The following CNTNAP5 variants were observed in gnomAD, a reference collection of about 807,000 sequenced individuals.
CNTNAP5 encodes contactin associated protein family member 5.
In CNTNAP5, 72 loss-of-function variants were observed where a neutral mutation model predicts 150.2. The ratio of observed to expected loss-of-function variants is 0.48; its 90% confidence interval spans 0.40 to 0.58. CNTNAP5 has a LOEUF of 0.58. CNTNAP5 is among the 20% of genes least tolerant of loss of function. CNTNAP5 has a pLI of 0.00. For synonymous variants in CNTNAP5, 672 were observed against 619.8 expected (o/e 1.08, Z -1.25); for missense variants, 1,636 against 1,626.2 (o/e 1.01, Z -0.10).
chr2:124,749,423 C>A (rs1680674918), intron 14 of CNTNAP5, among the ~76,000 whole-genome samples: 1 of 148,624 alleles, frequency 6.7e-6, no homozygotes, highest in South Asian at 2.2e-4. Flanking sequence ...TCCTTTCTCT[C>A]TCTCTCTTTC....
intron 3 of CNTNAP5, among the ~76,000 whole-genome samples, chr2:124,380,362 GT>G (rs1444426258): frequency 6.6e-6 from 1 of 152,138 alleles, no homozygotes; most frequent in Non-Finnish European, 1.5e-5. Context: ...AATGCTCGTA[GT>G]TTTTCACAAT....
chr2:124,188,806 G>A lies in CNTNAP5; in HGVS notation c.83-32899G>A, dbSNP rs188787212. Among the ~76,000 whole-genome samples the A allele has an allele frequency of 3.3e-5, 5 of 151,644 alleles. 1 individual carries two copies. The South Asian group carries it at 6.3e-4, about 19-fold the overall frequency. On this transcript the variant is annotated intron_variant, in intron 1 of 23. Transcript: ENST00000682447. ...CAATGGGACAGAAAGAATTAGAGAC[G>A]GAGGGTTATCTCAGCACCAGGTAGA...
chr2:124,509,437 G>GT (rs1278997713), intron 8 of CNTNAP5, among the ~76,000 whole-genome samples: 1 of 152,048 alleles, frequency 6.6e-6, no homozygotes, highest in Admixed American at 6.6e-5. Flanking sequence ...TCATTTCACT[G>GT]TAAGGGATGT....
intron 3 of CNTNAP5, among the ~76,000 whole-genome samples, chr2:124,289,276 C>T (rs1688226975): frequency 6.6e-6 from 1 of 152,116 alleles, no homozygotes; most frequent in African/African-American, 2.4e-5. Flanking sequence ...CACTGTATTG[C>T]TCTAATAAAG....
At chr2:124,409,823 C>G (rs920459695) in intron 3 of CNTNAP5, among the ~76,000 whole-genome samples, 3 of 151,988 alleles carry the variant, frequency 2.0e-5, no homozygotes, top group Admixed American at 6.6e-5. Flanking sequence ...CATCAACTAA[C>G]GAGCAAACTC....
At chr2:124,341,750 T>C (rs978814801) in intron 3 of CNTNAP5, among the ~76,000 whole-genome samples, 1 of 152,150 alleles carries the variant, frequency 6.6e-6, no homozygotes, top group Non-Finnish European at 1.5e-5. Context: ...ATGAAGCATC[T>C]TCAGTTGGAG....
Position 124,859,739 on chromosome 2 carries a change from A to C in CNTNAP5, c.3218-5567A>C, listed in dbSNP as rs62173278. On this transcript the variant is annotated intron_variant, in intron 19 of 23. Transcript: ENST00000682447. ...GAATACTATGCAGCCATAAAAAAGG[A>C]TGAGTTCATGTCCTTTGTAGGGACA... Among the ~76,000 whole-genome samples, 452 of 152,286 alleles carry C rather than the reference A, an allele frequency of 3.0e-3. 6 individuals carry two copies. In the South Asian group the frequency reaches 0.039, roughly 13 times the overall value.
At position 124,221,285 on chromosome 2, in the gene CNTNAP5, A is replaced by G. The variant is rs542373316; in HGVS notation, c.83-420A>G. ...GGAGCTCTTAGGAACTGAAGATGGG[A>G]GAGTAGTCAAACAATGTTTCCCCCT... On this transcript the variant is annotated intron_variant, in intron 1 of 23. Coordinates refer to ENST00000682447, the MANE Select transcript of CNTNAP5 (RefSeq NM_001367498.1). 5.9e-5 allele frequency among the ~76,000 whole-genome samples: 9 copies of G among 152,262 alleles called. 1 individual carries two copies. The South Asian group carries it at 1.9e-3, about 32-fold the overall frequency.
chr2:124,262,161 C>A (rs1687474895), intron 3 of CNTNAP5, among the ~76,000 whole-genome samples: 1 of 152,006 alleles, frequency 6.6e-6, no homozygotes, highest in Non-Finnish European at 1.5e-5. Context: ...GGGAGAATGG[C>A]TTAAGCCCAG....
intron 1 of CNTNAP5, among the ~76,000 whole-genome samples, chr2:124,153,800 G>A (rs1440055447): frequency 6.6e-6 from 1 of 151,600 alleles, no homozygotes; most frequent in African/African-American, 2.4e-5. Context: ...TAGTAGAGAC[G>A]GAGTTTCACT....
intron 3 of CNTNAP5, among the ~76,000 whole-genome samples, chr2:124,331,045 T>TA (rs1237184927): frequency 6.6e-6 from 1 of 152,114 alleles, no homozygotes; most frequent in Non-Finnish European, 1.5e-5. Context: ...TATCAGAAAT[T>TA]ACCAGAAACT....
intron 22 of CNTNAP5, among the ~76,000 whole-genome samples, chr2:124,903,576 A>G (rs936009283): frequency 2.6e-5 from 4 of 152,218 alleles, no homozygotes; most frequent in African/African-American, 9.6e-5. Flanking sequence ...TAATCTGATA[A>G]ACATGCGCAT....
At chr2:124,393,051 A>C (rs766274685) in intron 3 of CNTNAP5, among the ~76,000 whole-genome samples, 11 of 152,054 alleles carry the variant, frequency 7.2e-5, no homozygotes, top group Non-Finnish European at 1.5e-4. Context: ...GCAATCCCAA[A>C]ATTTTCTGTT....
At chr2:124,912,753 C>G (rs1678682302) in intron 23 of CNTNAP5, among the ~76,000 whole-genome samples, 1 of 152,026 alleles carries the variant, frequency 6.6e-6, no homozygotes, top group Non-Finnish European at 1.5e-5. Context: ...CTCTATGAGT[C>G]TCTTTAAGGA....
chr2:124,548,040 A>G (rs868289723), intron 10 of CNTNAP5, among the ~76,000 whole-genome samples: 5 of 152,230 alleles, frequency 3.3e-5, no homozygotes, highest in Non-Finnish European at 7.3e-5. Flanking sequence ...TTTCATTAGT[A>G]TAAGTCTTTT....
intron 7 of CNTNAP5, among the ~76,000 whole-genome samples, chr2:124,486,924 C>T (rs1227149827): frequency 6.6e-6 from 1 of 152,178 alleles, no homozygotes; most frequent in African/African-American, 2.4e-5. Flanking sequence ...ATTTACCTGT[C>T]TACATGAAGA....
At chr2:124,740,184 C>A (rs893782817) in intron 13 of CNTNAP5, among the ~76,000 whole-genome samples, 2 of 151,646 alleles carry the variant, frequency 1.3e-5, no homozygotes, top group African/African-American at 4.8e-5. Context: ...TGCACATACA[C>A]ACACACAAAA....
chr2:124,177,811 T>G (rs1278567583), intron 1 of CNTNAP5, among the ~76,000 whole-genome samples: 2 of 152,014 alleles, frequency 1.3e-5, no homozygotes, highest in African/African-American at 4.8e-5. Context: ...TTTTTGTTTG[T>G]TTGGTTGGTT....
intron 1 of CNTNAP5, among the ~76,000 whole-genome samples, chr2:124,061,870 A>T (rs990601248): frequency 6.6e-6 from 1 of 152,038 alleles, no homozygotes; most frequent in African/African-American, 2.4e-5. Context: ...GGATGGAGGG[A>T]ATGCAATAAT....
Sources: gnomAD v4.1 joint callset for allele counts (sites outside exome capture counted in the v4.1 genomes callset) on GRCh38, gnomAD v4.1.1 for gene constraint, MANE v1.5 for transcripts, NCBI Gene and HGNC (gene_info 2026-07-23, HGNC 2026-07-21) for gene names.